The following CMYA5 variants were observed in gnomAD, a reference collection of about 807,000 sequenced individuals.
The protein encoded by CMYA5 is cardiomyopathy-associated protein 5.
Under a neutral mutation model 318.9 loss-of-function variants are expected in CMYA5, and 246 were observed. That is an observed-to-expected ratio of 0.77 (90% CI 0.70 to 0.86). The LOEUF (loss-of-function observed/expected upper bound fraction) is 0.86. Ranked by LOEUF, CMYA5 falls within the 40% of genes least tolerant of loss-of-function variation. The pLI, the probability that CMYA5 is intolerant of heterozygous loss-of-function variation, is 0.00. For synonymous variants in CMYA5, 1,641 were observed against 1,729.5 expected (o/e 0.95, Z 1.27); for missense variants, 4,589 against 4,678.2 (o/e 0.98, Z 0.56).
intron 9 of CMYA5, 79 bp downstream of exon 9, chr5:79,763,288 T>C: frequency 7.9e-7 from 1 of 1,272,102 alleles, no homozygotes; most frequent in Non-Finnish European, 1.1e-6. Flanking sequence ...CTCTAACTTC[T>C]GCTCACCAAG....
chr5:79,790,274 AT>A lies in CMYA5; in HGVS notation c.11690-685del, dbSNP rs35889022. ...TTTAGGTTATATCGGTGCATCCCCC[AT>A]TTTTTTTTTTCTCGAATGGAGTCTT... On this transcript the variant is annotated intron_variant, in intron 10 of 12. Transcript: ENST00000446378. 9.8e-3 allele frequency among the ~76,000 whole-genome samples: 1,434 copies of A among 146,300 alleles called. 11 individuals carry two copies. Among genetic ancestry groups the A allele is most frequent in the African/African-American group, 0.021 (817 of 39,798 alleles).
At position 79,704,305 on chromosome 5, in the gene CMYA5, G is replaced by T. The variant is rs1827228030; in HGVS notation, c.149+14249G>T. The stretch of plus-strand genomic sequence containing the variant: ...GGAGGTGACAATCCATAGGGAAAGG[G>T]TATGACCCCCACTGTGGGTCTGAAT... On this transcript the variant is annotated intron_variant, in intron 1 of 12. Coordinates refer to ENST00000446378, the MANE Select transcript of CMYA5 (RefSeq NM_153610.5). Among the ~76,000 whole-genome samples the T allele has an allele frequency of 2.0e-5, 3 of 152,158 alleles. No homozygotes were observed. In the South Asian group the frequency reaches 6.2e-4, roughly 32 times the overall value.
intron 9 of CMYA5, among the ~76,000 whole-genome samples, chr5:79,773,706 G>A (rs1309460904): frequency 1.3e-5 from 2 of 152,114 alleles, no homozygotes; most frequent in Non-Finnish European, 2.9e-5. Flanking sequence ...GTGAATGAAT[G>A]AATGAATGAA....
chr5:79,797,266 C>T (rs570332620), intron 12 of CMYA5, among the ~76,000 whole-genome samples: 1 of 152,198 alleles, frequency 6.6e-6, no homozygotes, highest in Non-Finnish European at 1.5e-5. Flanking sequence ...ACCCTTGTCT[C>T]TCAGGACTAG....
At chr5:79,714,699 C>T (rs1462430385) in intron 1 of CMYA5, among the ~76,000 whole-genome samples, 1 of 152,134 alleles carries the variant, frequency 6.6e-6, no homozygotes, top group Non-Finnish European at 1.5e-5. Context: ...CTTGGCCTCC[C>T]AAAGTGCTGG....
At chr5:79,776,896 C>T (rs886260993) in intron 9 of CMYA5, among the ~76,000 whole-genome samples, 4 of 152,274 alleles carry the variant, frequency 2.6e-5, no homozygotes, top group Admixed American at 1.3e-4. Context: ...GTACACAGGC[C>T]GCCCCGCTCC....
At position 79,799,680 on chromosome 5, in the gene CMYA5, C is replaced by T. The variant is rs571017321; in HGVS notation, c.*64C>T. ...TTTTGGGGGGGTCTGCTGTTCATTCCTTTAGGTGCTATACATTATTCAAAA... is the reference window on the plus strand; with the variant it reads ...TTTTGGGGGGGTCTGCTGTTCATTCTTTTAGGTGCTATACATTATTCAAAA... On this transcript the variant is annotated 3_prime_UTR_variant, in exon 13 of 13. Coordinates refer to ENST00000446378, the MANE Select transcript of CMYA5 (RefSeq NM_153610.5). The T allele has an allele frequency of 1.5e-4, 237 of 1,535,570 alleles. 1 individual carries two copies. In the South Asian group the frequency reaches 2.0e-3, roughly 13 times the overall value.
At chr5:79,790,505 G>A (rs1829157279) in intron 10 of CMYA5, among the ~76,000 whole-genome samples, 1 of 152,132 alleles carries the variant, frequency 6.6e-6, no homozygotes, top group Non-Finnish European at 1.5e-5. Context: ...TCCTGACCTT[G>A]TGATCTGCCC....
chr5:79,755,644 C>T (rs527983752), intron 6 of CMYA5, among the ~76,000 whole-genome samples: 24 of 152,234 alleles, frequency 1.6e-4, no homozygotes, highest in African/African-American at 4.6e-4. Context: ...TGCTAAACTC[C>T]GGGTCTCTGA....
intron 1 of CMYA5, among the ~76,000 whole-genome samples, chr5:79,701,375 G>A (rs1275959814): frequency 6.6e-6 from 1 of 152,048 alleles, no homozygotes; most frequent in Non-Finnish European, 1.5e-5. Flanking sequence ...TGTTCCTAGG[G>A]TAAAGAAAAA....
In CMYA5 at chr5:79,729,007, G is replaced by A. The variant is rs1279851388; in HGVS notation, c.242G>A (p.Ser81Asn). ...FSMVTVQRED[S>N]GITWETNSSR... ...ATGGTGACAGTCCAAAGGGAAGATA[G>A]TGGGATAACCTGGGAAACCAATTCA... The change falls in exon 2 of 13, where the codon AGT becomes AAT. Residue 81 changes from serine (S) to asparagine (N), a missense_variant. Ser to Asn is a conservative substitution (Grantham distance 46, BLOSUM62 1). Transcript: ENST00000446378. 3 of 1,613,960 alleles carry A rather than the reference G, an allele frequency of 1.9e-6. No individual in the cohort carries two copies. Among genetic ancestry groups the A allele is most frequent in the Admixed American group, 1.7e-5 (1 of 60,020 alleles).
intron 1 of CMYA5, among the ~76,000 whole-genome samples, chr5:79,709,580 G>T (rs1456130840): frequency 6.6e-6 from 1 of 151,688 alleles, no homozygotes; most frequent in Non-Finnish European, 1.5e-5. Flanking sequence ...AGGATGAAAA[G>T]CTCATTGATT....
chr5:79,707,801 C>T (rs996693799), intron 1 of CMYA5, among the ~76,000 whole-genome samples: 5 of 152,114 alleles, frequency 3.3e-5, no homozygotes, highest in Admixed American at 6.5e-5. Flanking sequence ...TTAGTCTGTC[C>T]GTACTGCTAT....
chr5:79,739,107 G>A lies in CMYA5; in HGVS notation c.10342G>A (p.Glu3448Lys), dbSNP rs772904240. Residue 3448 changes from glutamate (E) to lysine (K), a missense_variant, in exon 2 of 13, where the codon GAA becomes AAA. Physicochemically the swap from Glu to Lys is moderately conservative, Grantham distance 56 (BLOSUM62 1). Transcript: ENST00000446378. ...AGAACTGTCTTCAGAATCCACACCT[G>A]AAGATGTCTTATCTCAAGGAAAGGA... is the stretch of plus-strand genomic sequence containing the variant. ...SEELSSESTP[E>K]DVLSQGKESF... 7.3e-5 allele frequency: 117 copies of A among 1,613,756 alleles called. No individual in the cohort carries two copies. The highest frequency in any genetic ancestry group is 9.9e-5 in the Non-Finnish European group (117 of 1,179,862).
At chr5:79,700,832 C>G (rs529771286) in intron 1 of CMYA5, among the ~76,000 whole-genome samples, 6 of 152,204 alleles carry the variant, frequency 3.9e-5, no homozygotes, top group Admixed American at 2.0e-4. Flanking sequence ...CACATGTTCT[C>G]AGTCATTGGG....
intron 1 of CMYA5, among the ~76,000 whole-genome samples, chr5:79,719,888 A>C (rs979096174): frequency 1.3e-5 from 2 of 152,248 alleles, no homozygotes; most frequent in African/African-American, 4.8e-5. Flanking sequence ...GAACTTTGTC[A>C]GAGAACTGAA....
In CMYA5 at chr5:79,789,057, C is replaced by G. The variant is rs1158575343; in HGVS notation, c.11642C>G (p.Ala3881Gly). Residue 3881 changes from alanine (A) to glycine (G), a missense_variant, in exon 10 of 13, where the codon GCA becomes GGA. Ala to Gly is a moderately conservative substitution (Grantham distance 60). Transcript: ENST00000446378. ...NYFFYVRAINAFGTSEQSEAA... is the reference protein window; with the variant it reads ...NYFFYVRAINGFGTSEQSEAA... ...TTTTTCTATGTGAGGGCCATCAATG[C>G]ATTTGGGACAAGTGAACAGAGTGAA... 9 of 1,613,944 alleles carry G rather than the reference C, an allele frequency of 5.6e-6. No individual in the cohort carries two copies. The highest frequency in any genetic ancestry group is 7.6e-6 in the Non-Finnish European group (9 of 1,179,852).
In CMYA5 at chr5:79,729,719, C is replaced by G. The variant is rs565839609; in HGVS notation, c.954C>G (p.Phe318Leu). The G allele has an allele frequency of 6.2e-7, 1 of 1,613,772 alleles. No individual in the cohort carries two copies. Among genetic ancestry groups the G allele is most frequent in the Admixed American group, 1.7e-5 (1 of 60,004 alleles). ...GATCAGAGTCCCTAACCTTAATGTT[C>G]AGTCATGAAGATCAAAAGAAAATTT... ...SKGSESLTLMFSHEDQKKIYA... is the reference protein window; with the variant it reads ...SKGSESLTLMLSHEDQKKIYA... The change falls in exon 2 of 13, where the codon TTC (phenylalanine) becomes TTG (leucine). Residue 318 changes from phenylalanine to leucine, a missense_variant. Physicochemically the swap from Phe to Leu is conservative, Grantham distance 22 (BLOSUM62 0). This residue lies in a region of CMYA5 where 2,132 missense variants were observed against 2,131.3 expected (regional missense o/e 1.00). Coordinates refer to ENST00000446378, the MANE Select transcript of CMYA5 (RefSeq NM_153610.5).
intron 7 of CMYA5, among the ~76,000 whole-genome samples, chr5:79,760,835 C>T (rs1003221340): frequency 1.6e-4 from 24 of 152,178 alleles, no homozygotes; most frequent in Admixed American, 6.5e-5. Flanking sequence ...GAGAAATATT[C>T]TTCAGTGTAC....
Sources: gnomAD v4.1 joint callset for allele counts (sites outside exome capture counted in the v4.1 genomes callset) on GRCh38, gnomAD v4.1.1 for gene constraint, gnomAD v4.1.1 regional missense constraint, MANE v1.5 for transcripts, NCBI Gene and HGNC (gene_info 2026-07-23, HGNC 2026-07-21) for gene names.